TCF12: variants seen among roughly 807,000 people sequenced by gnomAD.
TCF12 encodes the protein transcription factor 12.
A neutral mutation model predicts 86.0 loss-of-function variants in TCF12; 45 were observed. That is an observed-to-expected ratio of 0.52 (90% CI 0.41 to 0.67). TCF12 has a LOEUF of 0.67. TCF12 is among the 30% of genes least tolerant of loss of function. The pLI, the probability that TCF12 is intolerant of heterozygous loss-of-function variation, is 0.00. For synonymous variants in TCF12, 330 were observed against 299.6 expected (o/e 1.10, Z -1.05); for missense variants, 881 against 859.9 (o/e 1.02, Z -0.31).
At chr15:56,954,273 A>G (rs767242471) in intron 3 of TCF12, among the ~76,000 whole-genome samples, 2 of 152,188 alleles carry the variant, frequency 1.3e-5, no homozygotes, top group Non-Finnish European at 1.5e-5. Context: ...GTTCACATCT[A>G]CAAGGATCTG....
chr15:57,172,118 T>G (rs2055550344), intron 6 of TCF12, among the ~76,000 whole-genome samples: 1 of 152,180 alleles, frequency 6.6e-6, no homozygotes, highest in Non-Finnish European at 1.5e-5. Context: ...TCTTTTTTCC[T>G]GTTATACCCA....
intron 3 of TCF12, among the ~76,000 whole-genome samples, chr15:56,927,461 G>GT (rs531509143): frequency 1.8e-4 from 28 of 152,118 alleles, no homozygotes; most frequent in Non-Finnish European, 1.3e-4. Context: ...TTTATGTCCT[G>GT]TTTTTTGTTT....
At chr15:57,136,970 GTTTTTTTTTTTTT>G (rs1402740121) in intron 5 of TCF12, among the ~76,000 whole-genome samples, 2 of 40,830 alleles carry the variant, frequency 4.9e-5, no homozygotes, top group South Asian at 7.3e-4. Context: ...TTTTTTTTTT[GTTTTTTTTTTTTT>G]TTTTTTTTTT....
At chr15:57,279,882 CA>C (rs1388034900) in intron 19 of TCF12, among the ~76,000 whole-genome samples, 1 of 117,828 alleles carries the variant, frequency 8.5e-6, no homozygotes, top group Non-Finnish European at 1.6e-5. Context: ...TCCACAGTCT[CA>C]CTTTTTTTTT....
chr15:56,998,235 T>C (rs1397735475), intron 3 of TCF12, among the ~76,000 whole-genome samples: 2 of 152,152 alleles, frequency 1.3e-5, no homozygotes, highest in Admixed American at 6.5e-5. Context: ...GGCAGGTGGA[T>C]CACTTGAGGT....
intron 5 of TCF12, among the ~76,000 whole-genome samples, chr15:57,104,861 G>GTTTTTTTTTTTTTT (rs11336613): frequency 2.1e-4 from 15 of 71,480 alleles, no homozygotes; most frequent in African/African-American, 3.3e-4. Flanking sequence ...CTTTGGTGGT[G>GTTTTTTTTTTTTTT]TTTTTTTTTT....
At position 57,287,714 on chromosome 15, in the gene TCF12, A is replaced by G. The variant is rs2061978493; in HGVS notation, c.*1569A>G. On this transcript the variant is annotated 3_prime_UTR_variant, in exon 21 of 21. Transcript: ENST00000333725. ...CTATGTAGCTTAAAGATTTCTGTTA[A>G]TTTGAAAGAACAAAAACAAGACAGA... 1 of 152,660 alleles carries G rather than the reference A, an allele frequency of 6.6e-6. No individual in the cohort carries two copies. The highest frequency in any genetic ancestry group is 1.5e-5 in the Non-Finnish European group (1 of 68,046). 9.5% of individuals were successfully genotyped at this position (152,660 alleles called of 1,614,324 possible).
intron 5 of TCF12, among the ~76,000 whole-genome samples, chr15:57,112,188 T>C (rs1278694205): frequency 6.6e-6 from 1 of 152,176 alleles, no homozygotes; most frequent in African/African-American, 2.4e-5. Context: ...TCTAGCTCTC[T>C]AGATTTGGGT....
chr15:57,257,900 A>G (rs1597696123), intron 16 of TCF12, among the ~76,000 whole-genome samples: 1 of 152,298 alleles, frequency 6.6e-6, no homozygotes, highest in Middle Eastern at 3.4e-3. Flanking sequence ...AAATGTCAGC[A>G]TTTGGCTTTA....
intron 5 of TCF12, among the ~76,000 whole-genome samples, chr15:57,136,346 C>T (rs1302710530): frequency 6.6e-6 from 1 of 152,184 alleles, no homozygotes; most frequent in Non-Finnish European, 1.5e-5. Context: ...GCTGGGAGGC[C>T]ATGTTTTCTT....
chr15:56,918,413 G>T, upstream of TCF12: 1 of 361,096 alleles, frequency 2.8e-6, no homozygotes, highest in South Asian at 2.0e-5. Context: ...CGAGCGGTCG[G>T]GGCCTGCTTC....
rs530028424 is a variant in TCF12 at position 57,233,940 on chromosome 15, G to A, written c.971-103G>A. The A allele has an allele frequency of 1.8e-4, 156 of 865,266 alleles. No individual in the cohort carries two copies. The African/African-American group carries it at 2.5e-3, about 14-fold the overall frequency. 53.6% of individuals were successfully genotyped at this position (865,266 alleles called of 1,614,324 possible). ...GAGTATTTCCTAGTTTACTGTAACA[G>A]ATGTGAGATGATGATAGAGAACACC... is the stretch of plus-strand genomic sequence containing the variant. On this transcript the variant is annotated intron_variant, in intron 11 of 20. Transcript: ENST00000333725.
At chr15:57,251,306 C>A (rs2060106530) in intron 13 of TCF12, 44 bp from the exon 14 acceptor site, 2 of 1,502,366 alleles carry the variant, frequency 1.3e-6, no homozygotes, top group African/African-American at 2.8e-5. Context: ...TTATCAAGAT[C>A]ACTGAGTTAA....
chr15:57,046,428 A>C (rs1460772939), intron 3 of TCF12, among the ~76,000 whole-genome samples: 1 of 151,896 alleles, frequency 6.6e-6, no homozygotes, highest in Non-Finnish European at 1.5e-5. Context: ...TTTTTTTCTG[A>C]CATTGTTTTT....
intron 3 of TCF12, among the ~76,000 whole-genome samples, chr15:56,965,278 G>A (rs949258197): frequency 2.0e-5 from 3 of 152,114 alleles, no homozygotes. Flanking sequence ...TGGTAAAAAT[G>A]GCAAGGAAAG....
At chr15:56,918,476 C>T (rs189458842), upstream of TCF12, 5,074 of 323,268 alleles carry the variant, frequency 0.016, 62 homozygotes, top group South Asian at 0.021. Flanking sequence ...CAACTCCGTC[C>T]CGCCTCACCC....
rs1279087379 is a variant in TCF12 at position 57,263,042 on chromosome 15, T to TTATC, written c.1583-67_1583-66insCTAT. 2.0e-6 allele frequency: 3 copies of TTATC among 1,502,648 alleles called. No individual in the cohort carries two copies. The African/African-American group carries it at 4.2e-5, about 21-fold the overall frequency. 93.1% of individuals were successfully genotyped at this position (1,502,648 alleles called of 1,614,324 possible). ...GGATATTCACCAGCTAGAAAGCTTT[T>TTATC]TATTGTCTTAGCTGTAATTCATATA... On this transcript the variant is annotated intron_variant, in intron 17 of 20. Transcript: ENST00000333725.
At chr15:56,959,716 A>G (rs2061659900) in intron 3 of TCF12, among the ~76,000 whole-genome samples, 1 of 152,162 alleles carries the variant, frequency 6.6e-6, no homozygotes, top group South Asian at 2.1e-4. Flanking sequence ...CTTACAGAGG[A>G]ACAGTTTTTA....
chr15:57,008,372 A>G (rs934164005), intron 3 of TCF12, among the ~76,000 whole-genome samples: 7 of 41,986 alleles, frequency 1.7e-4, no homozygotes, highest in African/African-American at 3.5e-4. Flanking sequence ...ATGTAAAAAT[A>G]CCCTTTTTTT....
Sources: gnomAD v4.1 joint callset for allele counts (sites outside exome capture counted in the v4.1 genomes callset) on GRCh38, gnomAD v4.1.1 for gene constraint, MANE v1.5 for transcripts, NCBI Gene and HGNC (gene_info 2026-07-23, HGNC 2026-07-21) for gene names.